The following CEP128 variants were observed in gnomAD, a reference collection of about 807,000 sequenced individuals.
The protein encoded by CEP128 is centrosomal protein 128kDa.
In CEP128, 132 loss-of-function variants were observed where a neutral mutation model predicts 156.7. The observed-to-expected ratio is 0.84, with a 90% CI of 0.73 to 0.97. The LOEUF (loss-of-function observed/expected upper bound fraction) is 0.97, where lower values mean the gene tolerates loss of function less well. CEP128 is among the 50% of genes least tolerant of loss of function. CEP128 has a pLI of 0.00. For missense variants in CEP128, 1,252 were observed against 1,281.9 expected (o/e 0.98, Z 0.36); for synonymous variants, 469 against 448.9 (o/e 1.04, Z -0.57).
chr14:80,795,188 C>T (rs183190024), intron 13 of CEP128, among the ~76,000 whole-genome samples: 8 of 152,282 alleles, frequency 5.3e-5, no homozygotes, highest in Non-Finnish European at 8.8e-5. Flanking sequence ...CAACTCCAGG[C>T]CTCTTCAGTC....
chr14:80,625,231 G>A (rs184814212), intron 19 of CEP128, among the ~76,000 whole-genome samples: 281 of 152,198 alleles, frequency 1.8e-3, no homozygotes, highest in Non-Finnish European at 3.4e-3. Flanking sequence ...TATGTTCTTG[G>A]CAACTTTGTT....
Position 80,539,832 on chromosome 14 carries a change from C to T in CEP128, c.2881-8946G>A, listed in dbSNP as rs141437474. 1.2e-3 allele frequency among the ~76,000 whole-genome samples: 182 copies of T among 152,164 alleles called. 1 individual carries two copies. Among genetic ancestry groups the T allele is most frequent in the African/African-American group, 4.4e-3 (181 of 41,514 alleles). On this transcript the variant is annotated intron_variant, in intron 21 of 24. Coordinates refer to ENST00000555265, the MANE Select transcript of CEP128 (RefSeq NM_152446.5). Reference sequence around the variant, plus strand: ...TAATACCTCGGGGAAGGAATGCATTCCTGGGGGGAGGTCTATAAACAGCCG... The same window carrying T: ...TAATACCTCGGGGAAGGAATGCATTTCTGGGGGGAGGTCTATAAACAGCCG...
chr14:80,957,859 T>G (rs1038923366), intron 2 of CEP128: 1 of 152,172 alleles, frequency 6.6e-6, no homozygotes, highest in Admixed American at 6.5e-5. Context: ...ATGATGCTGA[T>G]GAGAATAGTC....
intron 19 of CEP128, among the ~76,000 whole-genome samples, chr14:80,697,805 T>C (rs1413401964): frequency 1.3e-5 from 2 of 151,998 alleles, no homozygotes; most frequent in Non-Finnish European, 2.9e-5. Flanking sequence ...GAACAATGGG[T>C]TGATAAGCCA....
At chr14:80,698,756 A>G (rs1230982976) in intron 19 of CEP128, among the ~76,000 whole-genome samples, 1 of 152,162 alleles carries the variant, frequency 6.6e-6, no homozygotes, top group East Asian at 1.9e-4. Context: ...AGACCTATCT[A>G]TATTACCCAA....
intron 8 of CEP128, among the ~76,000 whole-genome samples, chr14:80,888,705 T>G (rs1888930613): frequency 6.6e-6 from 1 of 152,162 alleles, no homozygotes; most frequent in Non-Finnish European, 1.5e-5. Flanking sequence ...TAGCATTCCC[T>G]TTGAAAACCA....
At chr14:80,840,633 T>A (rs375385808) in intron 10 of CEP128, 49 bp downstream of exon 10, 17 of 1,182,988 alleles carry the variant, frequency 1.4e-5, no homozygotes, top group Non-Finnish European at 2.1e-5. Context: ...ACAAATACCA[T>A]TGGCCCCAAA....
intron 16 of CEP128, among the ~76,000 whole-genome samples, chr14:80,771,297 A>G (rs1452821313): frequency 6.6e-6 from 1 of 152,194 alleles, no homozygotes; most frequent in Non-Finnish European, 1.5e-5. Flanking sequence ...GGCAATAAAT[A>G]AAGGAGAAGA....
intron 19 of CEP128, among the ~76,000 whole-genome samples, chr14:80,631,031 T>C (rs767323179): frequency 2.0e-5 from 3 of 152,042 alleles, no homozygotes; most frequent in Non-Finnish European, 4.4e-5. Flanking sequence ...AAAATACTCA[T>C]GCTTTTTCGA....
At chr14:80,702,061 G>T (rs775674457) in intron 19 of CEP128, among the ~76,000 whole-genome samples, 2 of 152,084 alleles carry the variant, frequency 1.3e-5, no homozygotes, top group Non-Finnish European at 2.9e-5. Context: ...GCCCCCAAAA[G>T]CTCCTTCCCT....
At chr14:80,693,056 G>T (rs980563376) in intron 19 of CEP128, among the ~76,000 whole-genome samples, 1 of 152,132 alleles carries the variant, frequency 6.6e-6, no homozygotes, top group Non-Finnish European at 1.5e-5. Context: ...CTCAAGTGAC[G>T]CAAATGCTAC....
chr14:80,512,734 C>T (rs1375237448), intron 23 of CEP128, among the ~76,000 whole-genome samples: 1 of 151,666 alleles, frequency 6.6e-6, no homozygotes, highest in Non-Finnish European at 1.5e-5. Flanking sequence ...TTTTGTGTAT[C>T]CATTGTAGGT....
chr14:80,904,756 T>C (rs1883784118), intron 6 of CEP128, 57 bp downstream of exon 6: 3 of 956,090 alleles, frequency 3.1e-6, no homozygotes, highest in East Asian at 2.4e-5. Flanking sequence ...TAGTCATTTA[T>C]ATACAATAGA....
At chr14:80,797,953 C>G (rs901833799) in intron 13 of CEP128, among the ~76,000 whole-genome samples, 2 of 152,142 alleles carry the variant, frequency 1.3e-5, no homozygotes, top group Admixed American at 6.5e-5. Context: ...ATCTTCTACA[C>G]TGAGGAACTT....
downstream of CEP128, among the ~76,000 whole-genome samples, chr14:80,490,099 CTTA>C (rs1887274503): frequency 6.6e-6 from 1 of 151,896 alleles, no homozygotes; most frequent in Admixed American, 6.6e-5. Flanking sequence ...ACAAATATTT[CTTA>C]TTATCAATTA....
chr14:80,654,032 C>CA (rs376320194), intron 19 of CEP128, among the ~76,000 whole-genome samples: 198 of 151,944 alleles, frequency 1.3e-3, no homozygotes, highest in African/African-American at 4.7e-3. Flanking sequence ...AGGTCATGGT[C>CA]AAAAAAATGT....
chr14:80,517,914 G>C (rs1888564860), intron 23 of CEP128, among the ~76,000 whole-genome samples: 1 of 152,192 alleles, frequency 6.6e-6, no homozygotes, highest in Non-Finnish European at 1.5e-5. Context: ...GCTGGATCAG[G>C]AGGAGCACAG....
intron 18 of CEP128, among the ~76,000 whole-genome samples, chr14:80,749,762 G>A (rs1263637690): frequency 6.6e-6 from 1 of 152,100 alleles, no homozygotes; most frequent in Non-Finnish European, 1.5e-5. Context: ...ATAATTAAAA[G>A]AATATAATTG....
intron 2 of CEP128, among the ~76,000 whole-genome samples, chr14:80,951,985 A>G (rs1886475629): frequency 6.6e-6 from 1 of 152,144 alleles, no homozygotes; most frequent in Admixed American, 6.5e-5. Context: ...TTCAAAATAC[A>G]TGAACTTTAA....
Sources: gnomAD v4.1 joint callset for allele counts (sites outside exome capture counted in the v4.1 genomes callset) on GRCh38, gnomAD v4.1.1 for gene constraint, MANE v1.5 for transcripts, NCBI Gene and HGNC (gene_info 2026-07-23, HGNC 2026-07-21) for gene names.